Variants in PCDHGA9 observed in about 807,000 individuals in gnomAD.
PCDHGA9 encodes protocadherin gamma-A9.
In PCDHGA9, 37 loss-of-function variants were observed where a neutral mutation model predicts 62.5. The ratio of observed to expected loss-of-function variants is 0.59; its 90% CI spans 0.46 to 0.78. The LOEUF (loss-of-function observed/expected upper bound fraction) is 0.78. Among genes scored for constraint, PCDHGA9 ranks in the 30% least tolerant of loss-of-function variants. The probability of loss-of-function intolerance (pLI) is 0.00; values close to 1 mark genes in which losing one functional copy is unlikely to be tolerated. For synonymous variants in PCDHGA9, 459 were observed against 484.6 expected (o/e 0.95, Z 0.69); for missense variants, 1,138 against 1,166.2 (o/e 0.98, Z 0.35).
At chr5:141,497,020 C>T (rs138768677) in intron 2 of PCDHGA9, among the ~76,000 whole-genome samples, 8 of 152,122 alleles carry the variant, frequency 5.3e-5, no homozygotes, top group African/African-American at 1.7e-4. Flanking sequence ...GAAACCCCAT[C>T]TCGATTAAAA....
intron 1 of PCDHGA9, among the ~76,000 whole-genome samples, chr5:141,405,943 CATA>C (rs1017424287): frequency 6.6e-6 from 1 of 152,106 alleles, no homozygotes; most frequent in Non-Finnish European, 1.5e-5. Flanking sequence ...TTCATGTTCT[CATA>C]ATAATTAACC....
chr5:141,426,794 G>C (rs1319220934), intron 1 of PCDHGA9: 1 of 456,708 alleles, frequency 2.2e-6, no homozygotes, highest in East Asian at 6.9e-5. Flanking sequence ...AGAGTTACCA[G>C]CTCAGTTCTA....
intron 1 of PCDHGA9, chr5:141,413,448 G>A (rs781717265): frequency 3.1e-6 from 5 of 1,614,122 alleles, no homozygotes; most frequent in Non-Finnish European, 4.2e-6. Context: ...TGATCACCGC[G>A]GGCAGGATAG....
chr5:141,509,059 C>T (rs1313349089), intron 3 of PCDHGA9, among the ~76,000 whole-genome samples: 2 of 152,182 alleles, frequency 1.3e-5, no homozygotes, highest in Non-Finnish European at 2.9e-5. Flanking sequence ...CCAGAAAGCT[C>T]TCAGCTCCGG....
intron 1 of PCDHGA9, among the ~76,000 whole-genome samples, chr5:141,454,932 C>T (rs945154196): frequency 1.3e-5 from 2 of 150,768 alleles, no homozygotes; most frequent in African/African-American, 2.4e-5. Context: ...CTCAGCCTCC[C>T]GAGTAGCTGG....
rs567522277 is a variant in PCDHGA9, at chr5:141,485,131, A to G, written c.2425-9676A>G. 1.3e-6 allele frequency: 2 copies of G among 1,482,660 alleles called. No individual in the cohort carries two copies. The highest frequency in any genetic ancestry group is 1.2e-5 in the South Asian group (1 of 83,730). 91.8% of individuals were successfully genotyped at this position (1,482,660 alleles called of 1,614,324 possible). ...TGGCTGTTTGGGGCGGGTCGGCTTC[A>G]TCCGCGTCTCAGGAGCAAGTAGAGA... On this transcript the variant is annotated intron_variant, in intron 1 of 3. Transcript: ENST00000573521. The surrounding 1 kb of genome is among the most constrained non-coding windows in gnomAD (Gnocchi z 5.7).
chr5:141,490,903 C>G lies in PCDHGA9; in HGVS notation c.2425-3904C>G. 6.2e-7 allele frequency: 1 copy of G among 1,613,764 alleles called. No homozygotes were observed. The highest frequency in any genetic ancestry group is 1.7e-5 in the Admixed American group (1 of 60,022). On this transcript the variant is annotated intron_variant, in intron 1 of 3. Coordinates refer to ENST00000573521, the MANE Select transcript of PCDHGA9 (RefSeq NM_018921.3). This position sits in a 1 kb window ranked among gnomAD's most constrained non-coding sequence, Gnocchi z 5.4. ...CAACACATCTCTGCATGTGTTTGTC[C>G]TAGACGAGAATGATAATGCCCCAGC... is the stretch of plus-strand genomic sequence containing the variant.
rs780395794 is a variant in PCDHGA9, at chr5:141,489,685, G to A, written c.2425-5122G>A. ...GCGCATCTCAGAATCAGCAGCATCT[G>A]GGGCACGATTCCCACTGGACAGTGC... On this transcript the variant is annotated intron_variant, in intron 1 of 3. Coordinates refer to ENST00000573521, the MANE Select transcript of PCDHGA9 (RefSeq NM_018921.3). The surrounding 1 kb of genome is among the most constrained non-coding windows in gnomAD (Gnocchi z 4.5). 10 of 1,614,142 alleles carry A rather than the reference G, an allele frequency of 6.2e-6. No individual in the cohort carries two copies. The South Asian group carries it at 1.1e-4, about 18-fold the overall frequency.
At position 141,410,454 on chromosome 5, in the gene PCDHGA9, C is replaced by T. The variant is rs199849689; in HGVS notation, c.2424+5078C>T. 5,103 of 1,614,034 alleles carry T rather than the reference C, an allele frequency of 3.2e-3. 16 individuals are homozygous for T. Among genetic ancestry groups the T allele is most frequent in the Non-Finnish European group, 4.0e-3 (4,661 of 1,179,898 alleles). On this transcript the variant is annotated intron_variant, in intron 1 of 3. Transcript: ENST00000573521. ...TACAGTGAGGGGACTTTGCCTTATT[C>T]TTATAATCTGTGCATTGCACATACG... is the stretch of plus-strand genomic sequence containing the variant.
rs1407774111 is a variant in PCDHGA9 at position 141,431,569 on chromosome 5, C to G, written c.2424+26193C>G. On this transcript the variant is annotated intron_variant, in intron 1 of 3. Transcript: ENST00000573521. The surrounding 1 kb of genome is among the most constrained non-coding windows in gnomAD (Gnocchi z 4.8). Reference sequence around the variant, plus strand: ...TTGTAGTCAACGCTACCGACCCTGACGAAGGAGTCAATGCGGAAGTGAGGT... The same window carrying G: ...TTGTAGTCAACGCTACCGACCCTGAGGAAGGAGTCAATGCGGAAGTGAGGT... 5.6e-6 allele frequency: 9 copies of G among 1,614,000 alleles called. No homozygotes were observed. Among genetic ancestry groups the G allele is most frequent in the African/African-American group, 2.7e-5 (2 of 74,932 alleles).
chr5:141,482,923 AT>A (rs1193255251), intron 1 of PCDHGA9, among the ~76,000 whole-genome samples: 10 of 152,074 alleles, frequency 6.6e-5, no homozygotes, highest in Non-Finnish European at 1.5e-4. Context: ...AATACAAAAA[AT>A]TAGCCAGGTG....
At chr5:141,450,836 T>A (rs991599340) in intron 1 of PCDHGA9, among the ~76,000 whole-genome samples, 2 of 149,760 alleles carry the variant, frequency 1.3e-5, no homozygotes, top group African/African-American at 4.9e-5. Flanking sequence ...ATTATTTTTT[T>A]TTTTTTGAGA....
rs2099641960 is a variant in PCDHGA9 at position 141,487,259 on chromosome 5, T to C, written c.2425-7548T>C. On this transcript the variant is annotated intron_variant, in intron 1 of 3. Coordinates refer to ENST00000573521, the MANE Select transcript of PCDHGA9 (RefSeq NM_018921.3). This position sits in a 1 kb window ranked among gnomAD's most constrained non-coding sequence, Gnocchi z 5.0. ...TCGTCTAACCCTCTACTTGGCTGTG[T>C]CCCTAGTGGCAATTTGCTTTGTCTC... 6.2e-7 allele frequency: 1 copy of C among 1,614,132 alleles called. No homozygotes were observed. Among genetic ancestry groups the C allele is most frequent in the Non-Finnish European group, 8.5e-7 (1 of 1,180,012 alleles).
chr5:141,429,239 T>C (rs1344971786), intron 1 of PCDHGA9: 1 of 151,802 alleles, frequency 6.6e-6, no homozygotes, highest in East Asian at 1.9e-4. Context: ...ACTGCTGTCA[T>C]TGAGATATTT....
chr5:141,511,400 T>A lies in PCDHGA9; in HGVS notation c.*227T>A, dbSNP rs1208021848. On this transcript the variant is annotated 3_prime_UTR_variant, in exon 4 of 4. Coordinates refer to ENST00000573521, the MANE Select transcript of PCDHGA9 (RefSeq NM_018921.3). ...AGTTCCGCTGGGAACCCCCATCCAA[T>A]CAACTGCTGTACCCATGGGGGTAGT... 1.1e-5 allele frequency: 11 copies of A among 982,132 alleles called. No individual in the cohort carries two copies. Among genetic ancestry groups the A allele is most frequent in the African/African-American group, 3.3e-5 (2 of 60,924 alleles). 60.8% of individuals were successfully genotyped at this position (982,132 alleles called of 1,614,324 possible).
Position 141,491,176 on chromosome 5 carries a change from G to A in PCDHGA9, c.2425-3631G>A. The A allele has an allele frequency of 1.2e-6, 2 of 1,614,210 alleles. No homozygotes were observed. The highest frequency in any genetic ancestry group is 8.5e-7 in the Non-Finnish European group (1 of 1,180,024). On this transcript the variant is annotated intron_variant, in intron 1 of 3. Transcript: ENST00000573521. The surrounding 1 kb of genome is among the most constrained non-coding windows in gnomAD (Gnocchi z 6.9). ...TGACTCTGACACCCAGCAGGTGGTG[G>A]TCCTGGTGAGGGACAATGGTGACCC...
chr5:141,460,224 T>C (rs986301555), intron 1 of PCDHGA9, among the ~76,000 whole-genome samples: 1 of 152,168 alleles, frequency 6.6e-6, no homozygotes, highest in African/African-American at 2.4e-5. Context: ...GTTGTGTCTT[T>C]TGAAGAGCAG....
chr5:141,474,083 A>G (rs771906750), intron 1 of PCDHGA9, among the ~76,000 whole-genome samples: 2 of 152,190 alleles, frequency 1.3e-5, no homozygotes, highest in African/African-American at 2.4e-5. Flanking sequence ...AACAAAAACC[A>G]AAAAACAAAC....
At position 141,432,580 on chromosome 5, in the gene PCDHGA9, T is replaced by C. The variant is rs773087131; in HGVS notation, c.2424+27204T>C. 20 of 1,613,202 alleles carry C rather than the reference T, an allele frequency of 1.2e-5. No individual in the cohort carries two copies. The highest frequency in any genetic ancestry group is 4.0e-5 in the African/African-American group (3 of 74,662). On this transcript the variant is annotated intron_variant, in intron 1 of 3. Transcript: ENST00000573521. The surrounding 1 kb of genome is among the most constrained non-coding windows in gnomAD (Gnocchi z 6.0). ...GCCAGAACGCCTGGCTGTCCTACCG[T>C]CTGCTCAAGGCCAGCGAGCCGGGAC... is the stretch of plus-strand genomic sequence containing the variant.
Sources: allele counts gnomAD v4.1 joint callset (sites outside exome capture counted in the v4.1 genomes callset), GRCh38; gene constraint gnomAD v4.1.1; non-coding constraint Gnocchi (gnomAD v3.1); transcripts MANE v1.5; gene names NCBI Gene and HGNC (gene_info 2026-07-23, HGNC 2026-07-21).